LDLRAP1: variants seen among roughly 807,000 people sequenced by gnomAD.
LDLRAP1 encodes the protein low density lipoprotein receptor adapter protein 1.
Under a neutral mutation model 37.8 loss-of-function variants are expected in LDLRAP1, and 30 were observed. The ratio of observed to expected loss-of-function variants is 0.79; its 90% CI spans 0.59 to 1.08. The LOEUF is 1.08. LDLRAP1 is among the 50% of genes least tolerant of loss of function. The probability of loss-of-function intolerance (pLI) is 0.00; values close to 1 mark genes in which losing one functional copy is unlikely to be tolerated. For synonymous variants in LDLRAP1, 156 were observed against 169.8 expected (o/e 0.92, Z 0.63); for missense variants, 375 against 401.6 (o/e 0.93, Z 0.57).
chr1:25,574,410 C>A, the LDLRAP1 span, among the ~76,000 whole-genome samples: 6 of 152,228 alleles, frequency 3.9e-5, no homozygotes, highest in Admixed American at 6.5e-5. Flanking sequence ...GAGAGAGCAA[C>A]CTCCGGGCTT....
the LDLRAP1 span, among the ~76,000 whole-genome samples, chr1:25,575,566 G>C: frequency 6.6e-6 from 1 of 152,044 alleles, no homozygotes; most frequent in South Asian, 2.1e-4. Context: ...CTGTACTCCA[G>C]CCTCGGCCAC....
chr1:25,589,878 G>T, the LDLRAP1 span, among the ~76,000 whole-genome samples: 1 of 152,194 alleles, frequency 6.6e-6, no homozygotes, highest in Admixed American at 6.5e-5. Context: ...CGAGGCGAGC[G>T]GATCATGAGG....
At position 25,543,707 on chromosome 1, in the gene LDLRAP1, G is replaced by C. The variant is rs1472373953; in HGVS notation, c.9G>C (p.Ala3=). ...GGCGGCCGGAGCGGGCCATGGACGCGCTCAAGTCGGCGGGGCGGGCGCTGA... is the reference window on the plus strand; with the variant it reads ...GGCGGCCGGAGCGGGCCATGGACGCCCTCAAGTCGGCGGGGCGGGCGCTGA... MD[A]LKSAGRALIR... The change falls in exon 1 of 9, where the codon GCG becomes GCC. Residue 3 remains alanine, a synonymous_variant. Transcript: ENST00000374338. 4 of 1,214,956 alleles carry C rather than the reference G, an allele frequency of 3.3e-6. No individual in the cohort carries two copies. Among genetic ancestry groups the C allele is most frequent in the Non-Finnish European group, 4.1e-6 (4 of 977,324 alleles). The allele number at this position is 1,214,956 out of a possible 1,614,324, so 75.3% of individuals were successfully genotyped here.
At chr1:25,577,049 G>A in the LDLRAP1 span, among the ~76,000 whole-genome samples, 2 of 152,184 alleles carry the variant, frequency 1.3e-5, no homozygotes, top group Admixed American at 1.3e-4. Context: ...GTGGCAGTCG[G>A]TCCTAGCCCC....
At chr1:25,589,829 G>A in the LDLRAP1 span, among the ~76,000 whole-genome samples, 192 of 152,314 alleles carry the variant, frequency 1.3e-3, 1 homozygote, top group African/African-American at 4.0e-3. Context: ...CGGGCCGGGC[G>A]CGGTGGCTCA....
At chr1:25,587,787 G>C in the LDLRAP1 span, among the ~76,000 whole-genome samples, 1 of 152,182 alleles carries the variant, frequency 6.6e-6, no homozygotes, top group East Asian at 1.9e-4. Flanking sequence ...TGCAGTCACA[G>C]CTGGGGTTCA....
chr1:25,586,583 CGCGTGTGT>C, the LDLRAP1 span, among the ~76,000 whole-genome samples: 162 of 147,826 alleles, frequency 1.1e-3, no homozygotes, highest in African/African-American at 4.0e-3. The surrounding 1 kb of genome is among the most constrained non-coding windows in gnomAD (Gnocchi z 4.3). Flanking sequence ...TGCGTGTGCG[CGCGTGTGT>C]GTGTGTGTAT....
intron 1 of LDLRAP1, among the ~76,000 whole-genome samples, chr1:25,546,037 G>C (rs1175327398): frequency 6.6e-6 from 1 of 152,174 alleles, no homozygotes; most frequent in African/African-American, 2.4e-5. Flanking sequence ...TCTTACCAGT[G>C]TGCTTGGTGA....
At chr1:25,580,110 G>A in the LDLRAP1 span, among the ~76,000 whole-genome samples, 1 of 152,166 alleles carries the variant, frequency 6.6e-6, no homozygotes, top group Non-Finnish European at 1.5e-5. Flanking sequence ...ACACAGGCAG[G>A]GTGTCCCTAC....
intron 1 of LDLRAP1, among the ~76,000 whole-genome samples, chr1:25,553,190 G>A (rs193242452): frequency 6.6e-6 from 1 of 152,336 alleles, no homozygotes; most frequent in East Asian, 1.9e-4. Flanking sequence ...CCGACTCATT[G>A]TATGTGGCCT....
chr1:25,571,908 G>A (rs1464221518), downstream of LDLRAP1, among the ~76,000 whole-genome samples: 2 of 152,224 alleles, frequency 1.3e-5, no homozygotes, highest in Admixed American at 6.5e-5. Context: ...GTCTCAGGGT[G>A]ACTGAGGCAC....
chr1:25,590,279 C>G, the LDLRAP1 span: 78 of 152,376 alleles, frequency 5.1e-4, no homozygotes, highest in African/African-American at 1.7e-3. Context: ...CTGATGTCAG[C>G]TATTCCCTGC....
At chr1:25,562,804 C>A in intron 5 of LDLRAP1, 88 bp downstream of exon 5, 1 of 1,165,730 alleles carries the variant, frequency 8.6e-7, no homozygotes, top group Non-Finnish European at 1.3e-6. Context: ...GACTTCCTGC[C>A]TCATCACCCA....
the LDLRAP1 span, among the ~76,000 whole-genome samples, chr1:25,577,305 G>T: frequency 6.6e-6 from 1 of 152,160 alleles, no homozygotes; most frequent in East Asian, 1.9e-4. Flanking sequence ...GAGGTGGAGT[G>T]GGGGAGGGGC....
At chr1:25,569,664 GGTAAA>G (rs2044575376), downstream of LDLRAP1, among the ~76,000 whole-genome samples, 2 of 152,196 alleles carry the variant, frequency 1.3e-5, no homozygotes, top group Admixed American at 1.3e-4. Flanking sequence ...GTCTAAAAAT[GGTAAA>G]GTAAAATAGT....
chr1:25,577,720 G>A, the LDLRAP1 span, among the ~76,000 whole-genome samples: 3 of 152,228 alleles, frequency 2.0e-5, no homozygotes, highest in African/African-American at 7.2e-5. Context: ...CTGGCGCCGG[G>A]TGGCAGGCTC....
In LDLRAP1 at chr1:25,563,110, C is replaced by T. The variant is rs375358854; in HGVS notation, c.573C>T (p.Asp191=). Reference sequence around the variant, plus strand: ...ACAAAGCCAGCCAAGAGGGAGGGGACGTCCTGGGGGCCCGCCAAGACTGCA... The same window carrying T: ...ACAAAGCCAGCCAAGAGGGAGGGGATGTCCTGGGGGCCCGCCAAGACTGCA... ...KRDKASQEGG[D]VLGARQDCTP... The change falls in exon 6 of 9, where the codon GAC becomes GAT. Residue 191 remains aspartate, a synonymous_variant. Transcript: ENST00000374338. The T allele has an allele frequency of 2.2e-5, 36 of 1,613,966 alleles. No individual in the cohort carries two copies. Among genetic ancestry groups the T allele is most frequent in the African/African-American group, 2.0e-4 (15 of 74,898 alleles).
At chr1:25,563,940 AG>A (rs2044413528) in intron 7 of LDLRAP1, 149 bp downstream of exon 7, 1 of 963,612 alleles carries the variant, frequency 1.0e-6, no homozygotes, top group Non-Finnish European at 1.6e-6. Flanking sequence ...GGCGCAGGAT[AG>A]GGGATGAACA....
chr1:25,548,462 C>T (rs941090128), intron 1 of LDLRAP1, among the ~76,000 whole-genome samples: 1 of 150,508 alleles, frequency 6.6e-6, no homozygotes, highest in African/African-American at 2.5e-5. Context: ...ATTCTCCTGC[C>T]TCAGCCTCCC....
Sources: gnomAD v4.1 joint callset for allele counts (sites outside exome capture counted in the v4.1 genomes callset) on GRCh38, gnomAD v4.1.1 for gene constraint, Gnocchi (gnomAD v3.1) non-coding constraint, MANE v1.5 for transcripts, NCBI Gene and HGNC (gene_info 2026-07-23, HGNC 2026-07-21) for gene names.